CLMN: variants seen among roughly 807,000 people sequenced by gnomAD.
CLMN encodes the protein calmin (calponin-like, transmembrane).
A neutral mutation model predicts 92.7 loss-of-function variants in CLMN; 57 were observed. That is an observed-to-expected ratio of 0.61 (90% confidence interval 0.50 to 0.77). CLMN has a LOEUF of 0.77. Among genes scored for constraint, CLMN ranks in the 30% least tolerant of loss-of-function variants. CLMN has a pLI of 0.00. For missense variants in CLMN, 1,158 were observed against 1,237.5 expected, an observed-to-expected ratio of 0.94 and a Z score of 0.96; for synonymous variants, 466 against 470.6, an observed-to-expected ratio of 0.99 and a Z score of 0.13.
intron 1 of CLMN, among the ~76,000 whole-genome samples, chr14:95,303,397 C>G (rs138075749): frequency 6.6e-6 from 1 of 152,340 alleles, no homozygotes; most frequent in South Asian, 2.1e-4. Context: ...ATTAACCCCA[C>G]GCCCACCCCT....
chr14:95,279,564 A>C (rs1178941165), intron 1 of CLMN, among the ~76,000 whole-genome samples: 1 of 152,238 alleles, frequency 6.6e-6, no homozygotes, highest in Non-Finnish European at 1.5e-5. Context: ...TGGGCGGATC[A>C]TGAGGTCAGG....
chr14:95,209,286 T>C, intron 8 of CLMN, 109 bp downstream of exon 8: 2 of 961,154 alleles, frequency 2.1e-6, no homozygotes, highest in Admixed American at 3.6e-5. Context: ...AACTGGCGAT[T>C]TTGACTGCTA....
Position 95,294,642 on chromosome 14 carries a change from ATCCCTG to A in CLMN, c.82+25063_82+25068del. On this transcript the variant is annotated intron_variant, in intron 1 of 12. Transcript: ENST00000298912. The surrounding 1 kb of genome is among the most constrained non-coding windows in gnomAD (Gnocchi z 4.2). ...GGTGTGATGGTGAGGATTAGGATAAATCCCTGTGCTAGTCTCCTTTGCACACCCCTC... is the reference window on the plus strand; with the variant it reads ...GGTGTGATGGTGAGGATTAGGATAAATGCTAGTCTCCTTTGCACACCCCTC... Among the ~76,000 whole-genome samples the A allele has an allele frequency of 6.6e-6, 1 of 152,196 alleles. No individual in the cohort carries two copies. The highest frequency in any genetic ancestry group is 1.9e-4 in the East Asian group (1 of 5,172).
intron 4 of CLMN, among the ~76,000 whole-genome samples, chr14:95,221,355 T>C (rs1897532984): frequency 6.6e-6 from 1 of 152,230 alleles, no homozygotes; most frequent in Non-Finnish European, 1.5e-5. Flanking sequence ...CACTCGGACA[T>C]GCTCGCCATA....
intron 9 of CLMN, among the ~76,000 whole-genome samples, chr14:95,201,745 C>T (rs1015161909): frequency 6.6e-6 from 1 of 151,452 alleles, no homozygotes; most frequent in African/African-American, 2.4e-5. Flanking sequence ...TCGCCTCCCA[C>T]CCCCCAACAA....
In CLMN at chr14:95,233,398, T is replaced by G. The variant is rs1595602119; in HGVS notation, c.83-3265A>C. Reference sequence around the variant, plus strand: ...ATCCATCTATCCAACCATCCATTTATCCATCCATTCATCCATCTGTCCATC... The same window carrying G: ...ATCCATCTATCCAACCATCCATTTAGCCATCCATTCATCCATCTGTCCATC... On this transcript the variant is annotated intron_variant, in intron 1 of 12. Transcript: ENST00000298912. Among the ~76,000 whole-genome samples, 6 of 151,894 alleles carry G rather than the reference T, an allele frequency of 4.0e-5. No individual in the cohort carries two copies. The South Asian group carries it at 1.3e-3, about 32-fold the overall frequency.
chr14:95,203,910 T>G lies in CLMN; in HGVS notation c.1439A>C (p.Lys480Thr). ...CTTGTCAGAGGAGGATTCTGGAATCTTCGAGGATTCCTGTTTCTGTTCCTT... is the reference window on the plus strand; with the variant it reads ...CTTGTCAGAGGAGGATTCTGGAATCGTCGAGGATTCCTGTTTCTGTTCCTT... Reference protein sequence around the residue: ...EEKEQKQESSKIPESSSDKVA... With the variant: ...EEKEQKQESSTIPESSSDKVA... Residue 480 changes from lysine (K) to threonine (T), a missense_variant, in exon 9 of 13, where the codon AAG becomes ACG. Transcript: ENST00000298912. 6.2e-7 allele frequency: 1 copy of G among 1,613,176 alleles called. No homozygotes were observed. The highest frequency in any genetic ancestry group is 2.2e-5 in the East Asian group (1 of 44,878).
intron 12 of CLMN, chr14:95,193,506 C>A: frequency 1.2e-6 from 1 of 823,582 alleles, no homozygotes; most frequent in Non-Finnish European, 1.9e-6. Context: ...TCTTCTCCTG[C>A]CTGGCCGTCC....
At chr14:95,246,568 A>C (rs1263954863) in intron 1 of CLMN, among the ~76,000 whole-genome samples, 2 of 152,222 alleles carry the variant, frequency 1.3e-5, no homozygotes, top group African/African-American at 2.4e-5. Flanking sequence ...TCCCGGGTTC[A>C]TGCCATTCTC....
intron 1 of CLMN, among the ~76,000 whole-genome samples, chr14:95,300,576 G>A (rs951070465): frequency 8.5e-5 from 13 of 152,226 alleles, no homozygotes; most frequent in African/African-American, 3.1e-4. Context: ...ATGTCCATGA[G>A]CCACGCTGCT....
chr14:95,195,671 C>G (rs1280290866), intron 10 of CLMN, among the ~76,000 whole-genome samples: 1 of 152,230 alleles, frequency 6.6e-6, no homozygotes, highest in African/African-American at 2.4e-5. Context: ...TACCTGGCCC[C>G]CTGACCTTCT....
chr14:95,301,637 G>C (rs1009614307), intron 1 of CLMN, among the ~76,000 whole-genome samples: 1 of 152,168 alleles, frequency 6.6e-6, no homozygotes, highest in South Asian at 2.1e-4. Context: ...ACCCAGGATG[G>C]ACCGGTCACC....
At chr14:95,195,138 T>C (rs1209212483) in intron 10 of CLMN, among the ~76,000 whole-genome samples, 2 of 152,194 alleles carry the variant, frequency 1.3e-5, no homozygotes, top group Non-Finnish European at 1.5e-5. Context: ...GACCTCTTTC[T>C]CCCTCTCCTG....
chr14:95,263,561 C>G lies in CLMN; in HGVS notation c.83-33428G>C, dbSNP rs79509992. Reference sequence around the variant, plus strand: ...GTGACCCAGGAAAAGGAGCGGGAGGCATCTGCCCACTTCACCTCAATGCAG... The same window carrying G: ...GTGACCCAGGAAAAGGAGCGGGAGGGATCTGCCCACTTCACCTCAATGCAG... On this transcript the variant is annotated intron_variant, in intron 1 of 12. Transcript: ENST00000298912. Among the ~76,000 whole-genome samples the G allele has an allele frequency of 1.1e-4, 16 of 152,284 alleles. 1 individual carries two copies. In the East Asian group the frequency reaches 3.1e-3, roughly 29 times the overall value.
In CLMN at chr14:95,203,167, AG is replaced by A; in HGVS notation, c.2181del (p.Tyr728IlefsTer17). The A allele has an allele frequency of 6.2e-7, 1 of 1,612,846 alleles. No homozygotes were observed. Among genetic ancestry groups the A allele is most frequent in the South Asian group, 1.1e-5 (1 of 91,082 alleles). ...AGGGGAACCTCATAGTGTGGGAAAT[AG>A]AAGAGGTCGTGGGGAATGACGGAAA... ...SKVSVIPHDLFYFPHYEVPLA... is the reference protein window; with the variant it reads ...SKVSVIPHDLXYFPHYEVPLA... On this transcript the variant is annotated frameshift_variant, in exon 9 of 13. Transcript: ENST00000298912. LOFTEE classifies it high-confidence loss of function.
intron 3 of CLMN, among the ~76,000 whole-genome samples, chr14:95,222,061 G>A (rs1190019460): frequency 1.3e-5 from 2 of 152,116 alleles, no homozygotes; most frequent in East Asian, 3.9e-4. Context: ...GTCAGCAAGG[G>A]ACAAATTTGT....
intron 1 of CLMN, among the ~76,000 whole-genome samples, chr14:95,250,447 T>A (rs1222994456): frequency 2.6e-5 from 4 of 152,226 alleles, no homozygotes; most frequent in Non-Finnish European, 5.9e-5. Flanking sequence ...CACTTTACAA[T>A]CTGCAAAACT....
rs1230419227 is a variant in CLMN at position 95,191,735 on chromosome 14, A to G, written c.2841-3T>C. Reference sequence around the variant, plus strand: ...CTTCTCCTGAGCTGTTGGCCTTCCTACAGAAGAAACACAGAGGAAACGCAG... The same window carrying G: ...CTTCTCCTGAGCTGTTGGCCTTCCTGCAGAAGAAACACAGAGGAAACGCAG... On this transcript the variant is annotated splice_polypyrimidine_tract_variant and splice_region_variant and intron_variant, in intron 12 of 12. Transcript: ENST00000298912. This position sits in a 1 kb window ranked among gnomAD's most constrained non-coding sequence, Gnocchi z 5.3. 2 of 1,602,408 alleles carry G rather than the reference A, an allele frequency of 1.2e-6. No homozygotes were observed. Among genetic ancestry groups the G allele is most frequent in the Admixed American group, 3.4e-5 (2 of 58,466 alleles).
chr14:95,296,692 T>C (rs1462782302), intron 1 of CLMN, among the ~76,000 whole-genome samples: 2 of 152,198 alleles, frequency 1.3e-5, no homozygotes, highest in Non-Finnish European at 2.9e-5. Context: ...GCTGGAGCTC[T>C]AGCAGCCATC....
Sources: allele counts gnomAD v4.1 joint callset (sites outside exome capture counted in the v4.1 genomes callset), GRCh38; gene constraint gnomAD v4.1.1; non-coding constraint Gnocchi (gnomAD v3.1); transcripts MANE v1.5; gene names NCBI Gene and HGNC (gene_info 2026-07-23, HGNC 2026-07-21).